MPP3: variants seen among roughly 807,000 people sequenced by gnomAD.
MPP3 encodes MAGUK p55 subfamily member 3.
In MPP3, 48 loss-of-function variants were observed where a neutral mutation model predicts 80.7. That is an observed-to-expected ratio of 0.59 (90% CI 0.47 to 0.76). The LOEUF (loss-of-function observed/expected upper bound fraction) is 0.76. Ranked by LOEUF, MPP3 falls within the 30% of genes least tolerant of loss-of-function variation. The pLI, the probability that MPP3 is intolerant of heterozygous loss-of-function variation, is 0.00. For synonymous variants in MPP3, 311 were observed against 297.6 expected, an observed-to-expected ratio of 1.04 and a Z score of -0.46; for missense variants, 620 against 763.0, an observed-to-expected ratio of 0.81 and a Z score of 2.21.
At chr17:43,831,443 G>C (rs1225253193) in intron 4 of MPP3, 116 bp downstream of exon 4, 9 of 1,329,682 alleles carry the variant, frequency 6.8e-6, no homozygotes, top group African/African-American at 1.4e-5. Context: ...GTCCTGTGTA[G>C]TGGGCAAGTG....
At chr17:43,824,601 C>G (rs1018421304) in intron 9 of MPP3, among the ~76,000 whole-genome samples, 3 of 152,122 alleles carry the variant, frequency 2.0e-5, no homozygotes, top group African/African-American at 7.2e-5. Flanking sequence ...CGGACCAGGA[C>G]AGCAGGGCCC....
chr17:43,805,142 A>C (rs2044565007), intron 19 of MPP3, among the ~76,000 whole-genome samples: 1 of 152,260 alleles, frequency 6.6e-6, no homozygotes, highest in African/African-American at 2.4e-5. Context: ...AAAAATGGAC[A>C]TTTAAAAATG....
intron 9 of MPP3, 55 bp downstream of exon 9, chr17:43,825,701 C>A: frequency 8.2e-7 from 1 of 1,222,020 alleles, no homozygotes; most frequent in South Asian, 1.2e-5. Context: ...CAGGAAGTGC[C>A]TTGCTCTGGG....
intron 19 of MPP3, among the ~76,000 whole-genome samples, chr17:43,808,074 G>A (rs772082206): frequency 1.3e-5 from 2 of 152,180 alleles, no homozygotes; most frequent in Admixed American, 6.5e-5. Flanking sequence ...GGACAACATA[G>A]TGAGTCCCTG....
In MPP3 at chr17:43,806,345, T is replaced by C. The variant is rs942838327; in HGVS notation, c.1581+2611A>G. Among the ~76,000 whole-genome samples, 9 of 151,928 alleles carry C rather than the reference T, an allele frequency of 5.9e-5. No homozygotes were observed. The South Asian group carries it at 1.9e-3, about 32-fold the overall frequency. ...CACGCCCAGCTAATTTTTGTATTTT[T>C]AGTAGAGACGGGGTTTCACCATGTT... On this transcript the variant is annotated intron_variant, in intron 19 of 19. Transcript: ENST00000398389.
intron 12 of MPP3, chr17:43,817,777 G>T (rs1269431807): frequency 4.9e-6 from 2 of 410,288 alleles, no homozygotes; most frequent in Admixed American, 4.5e-5. Flanking sequence ...ATGCACACGC[G>T]TGTGAACACA....
At chr17:43,820,454 T>C (rs2045378786) in intron 11 of MPP3, among the ~76,000 whole-genome samples, 1 of 151,756 alleles carries the variant, frequency 6.6e-6, no homozygotes, top group Non-Finnish European at 1.5e-5. Context: ...TAGCCAGGCA[T>C]GGTGGTGCAC....
intron 4 of MPP3, 35 bp downstream of exon 4, chr17:43,831,524 G>A (rs374273185): frequency 2.0e-6 from 3 of 1,521,048 alleles, no homozygotes; most frequent in Non-Finnish European, 1.8e-6. Context: ...AAGACCTCTA[G>A]ACACCCTTCC....
chr17:43,829,937 C>T lies in MPP3; in HGVS notation c.303+90G>A, dbSNP rs540817907. On this transcript the variant is annotated intron_variant, in intron 6 of 19. Transcript: ENST00000398389. ...TAGTGCTGAGGATCGCTCCCTCAGT[C>T]TCCACTCCTCAGCCTCATTAGGAGA... The T allele has an allele frequency of 3.0e-5, 46 of 1,541,602 alleles. No individual in the cohort carries two copies. In the African/African-American group the frequency reaches 6.2e-4, roughly 21 times the overall value.
Position 43,806,167 on chromosome 17 carries a change from A to ATTT in MPP3, c.1581+2788_1581+2789insAAA, listed in dbSNP as rs1226930419. ...ACACATGGCTTTTATTTATTTATTT[A>ATTT]ATTAATTTATTTTTTTGAGACAGAG... On this transcript the variant is annotated intron_variant, in intron 19 of 19. Transcript: ENST00000398389. Among the ~76,000 whole-genome samples, 28 of 151,650 alleles carry ATTT rather than the reference A, an allele frequency of 1.8e-4. No individual in the cohort carries two copies. In the East Asian group the frequency reaches 2.3e-3, roughly 13 times the overall value.
chr17:43,804,648 T>A (rs889150355), intron 19 of MPP3, among the ~76,000 whole-genome samples: 5 of 152,216 alleles, frequency 3.3e-5, no homozygotes, highest in Non-Finnish European at 7.3e-5. Flanking sequence ...TTCTTAGATA[T>A]GACACCAAAA....
chr17:43,807,781 C>T (rs926321486), intron 19 of MPP3, among the ~76,000 whole-genome samples: 1 of 151,930 alleles, frequency 6.6e-6, no homozygotes, highest in Non-Finnish European at 1.5e-5. Flanking sequence ...CACAGAGACA[C>T]CCTGTCTCTA....
intron 12 of MPP3, 149 bp downstream of exon 12, chr17:43,817,897 T>C: frequency 3.1e-6 from 1 of 320,028 alleles, no homozygotes; most frequent in Non-Finnish European, 5.9e-6. Context: ...ACCTCCTACT[T>C]CCCACCCCCT....
chr17:43,823,258 C>T (rs1342599339), intron 10 of MPP3, among the ~76,000 whole-genome samples: 1 of 152,002 alleles, frequency 6.6e-6, no homozygotes, highest in Non-Finnish European at 1.5e-5. Flanking sequence ...ACCTCCCCAG[C>T]AAAACCCACC....
Position 43,808,904 on chromosome 17 carries a change from G to A in MPP3, c.1581+52C>T, listed in dbSNP as rs553740844. 2.6e-6 allele frequency: 4 copies of A among 1,564,296 alleles called. No individual in the cohort carries two copies. The Admixed American group carries it at 8.5e-5, about 33-fold the overall frequency. On this transcript the variant is annotated intron_variant, in intron 19 of 19. Transcript: ENST00000398389. ...CCCTTATGCAGCTAGAAGCGTTCCT[G>A]TAACAGCCTCCCTTAGGCCTTCAGA... is the stretch of plus-strand genomic sequence containing the variant.
rs191542331 is a variant in MPP3 at position 43,801,476 on chromosome 17, G to A, written c.*225C>T. 2.1e-5 allele frequency: 11 copies of A among 519,710 alleles called. No individual in the cohort carries two copies. In the Admixed American group the frequency reaches 3.0e-4, roughly 14 times the overall value. The allele number at this position is 519,710 out of a possible 1,614,324, so 32.2% of individuals were successfully genotyped here. ...GATACTTTAATAAATGAAATGTGTT[G>A]TTTTCTGATATGCCCCTTTCAAATC... On this transcript the variant is annotated 3_prime_UTR_variant, in exon 20 of 20. Coordinates refer to ENST00000398389, the MANE Select transcript of MPP3 (RefSeq NM_001932.6).
chr17:43,825,830 C>G lies in MPP3; in HGVS notation c.535G>C (p.Val179Leu), dbSNP rs754313885. The change falls in exon 9 of 20, where the codon GTT (valine) becomes CTT (leucine). Residue 179 changes from valine (V) to leucine (L), a missense_variant. Physicochemically the swap from Val to Leu is conservative, Grantham distance 32. Transcript: ENST00000398389. Reference protein sequence around the residue: ...GAADRSGLVHVGDELREVNGI... With the variant: ...GAADRSGLVHLGDELREVNGI... ...TTCACTTCTCGGAGCTCATCTCCAA[C>G]GTGGACCAGGCCTAGGAGACACAGG... is the stretch of plus-strand genomic sequence containing the variant. The G allele has an allele frequency of 6.2e-7, 1 of 1,609,660 alleles. No homozygotes were observed. Among genetic ancestry groups the G allele is most frequent in the Non-Finnish European group, 8.5e-7 (1 of 1,175,916 alleles).
chr17:43,812,974 G>C (rs1257856701), intron 16 of MPP3, among the ~76,000 whole-genome samples: 2 of 152,196 alleles, frequency 1.3e-5, no homozygotes, highest in Non-Finnish European at 2.9e-5. Flanking sequence ...GCTGGGCCCA[G>C]GGGCCCAGGG....
At chr17:43,815,993 G>C in intron 14 of MPP3, 45 bp downstream of exon 14, 1 of 1,458,960 alleles carries the variant, frequency 6.9e-7, no homozygotes, top group Non-Finnish European at 9.1e-7. Flanking sequence ...CTGGGGCCTT[G>C]GGTGGGGCAG....
Sources: allele counts gnomAD v4.1 joint callset (sites outside exome capture counted in the v4.1 genomes callset), GRCh38; gene constraint gnomAD v4.1.1; transcripts MANE v1.5; gene names NCBI Gene and HGNC (gene_info 2026-07-23, HGNC 2026-07-21).